Variants in TMEM45A observed in about 807,000 individuals in gnomAD.
TMEM45A encodes the protein transmembrane protein 45A.
TMEM45A carries 25 observed loss-of-function variants against 32.0 expected under a neutral mutation model. The ratio of observed to expected loss-of-function variants is 0.78; its 90% confidence interval spans 0.57 to 1.09. The LOEUF (loss-of-function observed/expected upper bound fraction) is 1.09. TMEM45A is among the 50% of genes least tolerant of loss of function. The pLI is 0.00. For synonymous variants in TMEM45A, 122 were observed against 114.8 expected (o/e 1.06, Z -0.40); for missense variants, 302 against 325.0 (o/e 0.93, Z 0.54).
In TMEM45A at chr3:100,567,823, C is replaced by T. The variant is rs572893999; in HGVS notation, c.589-999C>T. ...TTTTTGAGACGGAGACTTGCTCTGT[C>T]GCCCAGGCTGGAGAGCAGTGGCACA... On this transcript the variant is annotated intron_variant, in intron 4 of 5. Coordinates refer to ENST00000323523, the MANE Select transcript of TMEM45A (RefSeq NM_018004.3). Among the ~76,000 whole-genome samples, 6 of 152,180 alleles carry T rather than the reference C, an allele frequency of 3.9e-5. No homozygotes were observed. The South Asian group carries it at 6.2e-4, about 16-fold the overall frequency.
chr3:100,576,913 C>G lies in TMEM45A; in HGVS notation c.735-12C>G, dbSNP rs759577138. On this transcript the variant is annotated splice_polypyrimidine_tract_variant and intron_variant, in intron 5 of 5. Coordinates refer to ENST00000323523, the MANE Select transcript of TMEM45A (RefSeq NM_018004.3). ...AAACCGTCTAACTTGAGATGCTTTT[C>G]TTTCTCCTCAGGTTGGTTAAATCTA... 2.2e-5 allele frequency: 35 copies of G among 1,595,540 alleles called. No homozygotes were observed. The Admixed American group carries it at 5.4e-4, about 25-fold the overall frequency.
intron 1 of TMEM45A, among the ~76,000 whole-genome samples, chr3:100,500,307 C>T (rs979124592): frequency 1.3e-5 from 2 of 152,170 alleles, no homozygotes; most frequent in African/African-American, 4.8e-5. Context: ...TCCACTGAGA[C>T]CCAGAGATCT....
chr3:100,536,636 T>G (rs924479732), intron 1 of TMEM45A, among the ~76,000 whole-genome samples: 1 of 152,190 alleles, frequency 6.6e-6, no homozygotes, highest in Non-Finnish European at 1.5e-5. Context: ...TGAAGAACCT[T>G]AGAGGCACTT....
rs557886600 is a variant in TMEM45A, at chr3:100,510,048, G to A, written c.-4+17120G>A. 2.4e-4 allele frequency among the ~76,000 whole-genome samples: 37 copies of A among 152,190 alleles called. No individual in the cohort carries two copies. The East Asian group carries it at 2.7e-3, about 11-fold the overall frequency. Reference sequence around the variant, plus strand: ...GTGGCAGCGAGGTTGGGGGAGGAGCGCCCGCCATTGTCCAGGCTTGCTTAG... The same window carrying A: ...GTGGCAGCGAGGTTGGGGGAGGAGCACCCGCCATTGTCCAGGCTTGCTTAG... On this transcript the variant is annotated intron_variant, in intron 1 of 5. Transcript: ENST00000323523.
chr3:100,521,713 A>G (rs1359637743), intron 1 of TMEM45A, among the ~76,000 whole-genome samples: 2 of 152,196 alleles, frequency 1.3e-5, no homozygotes, highest in African/African-American at 4.8e-5. Flanking sequence ...CTGAGGATCT[A>G]GAGAGACAAT....
intron 1 of TMEM45A, among the ~76,000 whole-genome samples, chr3:100,516,754 C>T (rs976560574): frequency 3.3e-5 from 5 of 152,012 alleles, no homozygotes; most frequent in Admixed American, 2.6e-4. Context: ...TACCACCTTA[C>T]GGGATCCTTC....
chr3:100,509,472 A>G (rs1708123740), intron 1 of TMEM45A, among the ~76,000 whole-genome samples: 1 of 152,228 alleles, frequency 6.6e-6, no homozygotes, highest in Non-Finnish European at 1.5e-5. Context: ...TATCAAGGGG[A>G]TACCTGTACT....
intron 1 of TMEM45A, among the ~76,000 whole-genome samples, chr3:100,518,749 T>G (rs924060672): frequency 6.6e-6 from 1 of 152,108 alleles, no homozygotes; most frequent in Non-Finnish European, 1.5e-5. Flanking sequence ...ATTCCCCTTG[T>G]GTGGGTTAAG....
intron 5 of TMEM45A, chr3:100,571,205 C>G (rs1706550374): frequency 6.6e-6 from 1 of 152,102 alleles, no homozygotes; most frequent in Non-Finnish European, 1.5e-5. Flanking sequence ...ACCTTCCCTC[C>G]ACAATCATTA....
chr3:100,530,162 G>GT (rs2148955749), intron 1 of TMEM45A, among the ~76,000 whole-genome samples: 1 of 152,186 alleles, frequency 6.6e-6, no homozygotes, highest in African/African-American at 2.4e-5. Flanking sequence ...CATTTCTCCT[G>GT]TCCCCCAGAT....
chr3:100,521,563 T>G (rs1705437588), intron 1 of TMEM45A, among the ~76,000 whole-genome samples: 4 of 152,216 alleles, frequency 2.6e-5, no homozygotes, highest in Admixed American at 2.6e-4. Context: ...CATTTCCTCT[T>G]TCTGATATGG....
intron 3 of TMEM45A, 143 bp from the exon 4 acceptor site, chr3:100,558,262 A>T: frequency 1.1e-6 from 1 of 870,188 alleles, no homozygotes; most frequent in Non-Finnish European, 1.7e-6. Flanking sequence ...CCAAAAATGC[A>T]GTACTGTGGG....
chr3:100,522,062 A>G (rs1215811820), intron 1 of TMEM45A, among the ~76,000 whole-genome samples: 1 of 152,050 alleles, frequency 6.6e-6, no homozygotes, highest in Non-Finnish European at 1.5e-5. Context: ...ACTTGAAAAG[A>G]CAAAGATGAA....
chr3:100,512,426 C>T (rs1325849158), intron 1 of TMEM45A, among the ~76,000 whole-genome samples: 1 of 152,092 alleles, frequency 6.6e-6, no homozygotes, highest in African/African-American at 2.4e-5. Context: ...TTGAAACCAA[C>T]CAGAACAAAG....
At chr3:100,534,680 A>G (rs773782811) in intron 1 of TMEM45A, among the ~76,000 whole-genome samples, 105 of 152,182 alleles carry the variant, frequency 6.9e-4, no homozygotes, top group Non-Finnish European at 1.1e-3. Context: ...AATTAGTGGT[A>G]ATTTGTTAGA....
At chr3:100,521,402 C>T (rs567228761) in intron 1 of TMEM45A, among the ~76,000 whole-genome samples, 2 of 152,048 alleles carry the variant, frequency 1.3e-5, no homozygotes, top group Non-Finnish European at 1.5e-5. Flanking sequence ...TACAGGCATG[C>T]ACCACCATGC....
At chr3:100,529,049 A>G (rs1705600964) in intron 1 of TMEM45A, among the ~76,000 whole-genome samples, 1 of 152,206 alleles carries the variant, frequency 6.6e-6, no homozygotes, top group Non-Finnish European at 1.5e-5. Flanking sequence ...ACCAAGGACA[A>G]GAATTTTGAA....
Position 100,558,478 on chromosome 3 carries a change from C to T in TMEM45A, c.477C>T (p.Val159=), listed in dbSNP as rs757236531. 16 of 1,613,948 alleles carry T rather than the reference C, an allele frequency of 9.9e-6. No homozygotes were observed. The highest frequency in any genetic ancestry group is 8.9e-5 in the East Asian group (4 of 44,896). Residue 159 remains valine, a synonymous_variant, in exon 4 of 6, where the codon GTC becomes GTT. Transcript: ENST00000323523. The stretch of plus-strand genomic sequence containing the variant: ...TTGTGCACCAGCTGCTGGTTTTGGT[C>T]GTCTTTCTGACAGGCCTCGTTGCCT... ...DIFVHQLLVL[V]VFLTGLVAFL... is the part of the protein sequence containing the mutation.
chr3:100,548,243 G>A (rs929675762), intron 1 of TMEM45A, among the ~76,000 whole-genome samples: 6 of 152,156 alleles, frequency 3.9e-5, no homozygotes, highest in African/African-American at 1.4e-4. Flanking sequence ...TTATGACACT[G>A]ACAAGAGACA....
Sources: allele counts gnomAD v4.1 joint callset (sites outside exome capture counted in the v4.1 genomes callset), GRCh38; gene constraint gnomAD v4.1.1; transcripts MANE v1.5; gene names NCBI Gene and HGNC (gene_info 2026-07-23, HGNC 2026-07-21).